UBE2E3: variants seen among roughly 807,000 people sequenced by gnomAD.
UBE2E3 encodes ubiquitin-conjugating enzyme E2 E3.
In UBE2E3, 5 loss-of-function variants were observed where a neutral mutation model predicts 23.6. The ratio of observed to expected loss-of-function variants is 0.21; its 90% confidence interval spans 0.11 to 0.44. The LOEUF is 0.44. Ranked by LOEUF, UBE2E3 falls within the 20% of genes least tolerant of loss-of-function variation. UBE2E3 has a pLI of 0.99. For synonymous variants in UBE2E3, 78 were observed against 87.5 expected, an observed-to-expected ratio of 0.89 and a Z score of 0.60; for missense variants, 81 against 249.8, an observed-to-expected ratio of 0.32 and a Z score of 4.55.
intron 3 of UBE2E3, among the ~76,000 whole-genome samples, chr2:181,021,574 C>CCTTCCTT (rs1685686416): frequency 8.3e-5 from 3 of 36,320 alleles, no homozygotes; most frequent in Non-Finnish European, 9.6e-5. Flanking sequence ...CTTCCTTCCT[C>CCTTCCTT]CCTCCCTCCC....
chr2:181,022,876 T>C (rs1446761045), intron 3 of UBE2E3, among the ~76,000 whole-genome samples: 1 of 152,136 alleles, frequency 6.6e-6, no homozygotes, highest in Non-Finnish European at 1.5e-5. Context: ...GCCCCTAGTA[T>C]TGATTTTTGG....
chr2:181,033,566 C>G (rs1252519279), intron 3 of UBE2E3, among the ~76,000 whole-genome samples: 1 of 152,136 alleles, frequency 6.6e-6, no homozygotes, highest in Non-Finnish European at 1.5e-5. Context: ...AGACCTAAAA[C>G]CATAAAAACC....
chr2:181,035,497 A>G (rs4667036), intron 3 of UBE2E3, among the ~76,000 whole-genome samples: 58,846 of 151,900 alleles, frequency 0.39, 12,102 homozygotes, highest in East Asian at 0.57. Flanking sequence ...TATTACTCTT[A>G]GTAATATTAT....
intron 3 of UBE2E3, among the ~76,000 whole-genome samples, chr2:181,048,783 T>G (rs1159592939): frequency 6.6e-6 from 1 of 152,128 alleles, no homozygotes; most frequent in Non-Finnish European, 1.5e-5. Flanking sequence ...TTTTTGAAGT[T>G]TGGAAAGCAA....
chr2:181,043,987 C>G (rs1199312427), intron 3 of UBE2E3, among the ~76,000 whole-genome samples: 2 of 152,120 alleles, frequency 1.3e-5, no homozygotes, highest in African/African-American at 4.8e-5. Flanking sequence ...TTTACAAAAA[C>G]TTTTATTCAC....
At chr2:181,001,486 C>A (rs776468660) in intron 3 of UBE2E3, among the ~76,000 whole-genome samples, 28 of 152,000 alleles carry the variant, frequency 1.8e-4, no homozygotes, top group Non-Finnish European at 4.0e-4. Flanking sequence ...AGTGGAAATA[C>A]AACAAAAGAG....
intron 3 of UBE2E3, among the ~76,000 whole-genome samples, chr2:181,010,861 A>C (rs1183284523): frequency 2.6e-5 from 4 of 151,394 alleles, no homozygotes; most frequent in African/African-American, 9.7e-5. Flanking sequence ...GCAACATTCA[A>C]ATCTGCCTCA....
At chr2:181,037,534 TAAATA>T (rs749368338) in intron 3 of UBE2E3, among the ~76,000 whole-genome samples, 5 of 152,114 alleles carry the variant, frequency 3.3e-5, no homozygotes, top group African/African-American at 4.8e-5. Flanking sequence ...TTTAAAAAAT[TAAATA>T]AAATAACTTT....
rs775277005 is a variant in UBE2E3, at chr2:181,057,826, G to A, written c.378+1G>A. 1 of 1,610,616 alleles carries A rather than the reference G, an allele frequency of 6.2e-7. No homozygotes were observed. The highest frequency in any genetic ancestry group is 8.5e-7 in the Non-Finnish European group (1 of 1,177,974). Reference sequence around the variant, plus strand: ...AGATTATCCATTTAAGCCACCAAAGGTAAGAAGCTTGAAGTGCATTCTTTA... The same window carrying A: ...AGATTATCCATTTAAGCCACCAAAGATAAGAAGCTTGAAGTGCATTCTTTA... On this transcript the variant is annotated splice_donor_variant, in intron 4 of 5. Transcript: ENST00000410062. LOFTEE classifies it high-confidence loss of function.
At chr2:180,987,245 T>C (rs1465028371) in intron 3 of UBE2E3, 12 of 1,362,808 alleles carry the variant, frequency 8.8e-6, no homozygotes, top group Middle Eastern at 1.8e-4. Flanking sequence ...AATTGTGTTA[T>C]GGGCATTTCC....
chr2:181,045,193 T>A (rs889837140), intron 3 of UBE2E3, among the ~76,000 whole-genome samples: 3 of 152,302 alleles, frequency 2.0e-5, no homozygotes, highest in East Asian at 1.9e-4. Flanking sequence ...AGTAAGAAGG[T>A]TGTAGAGACG....
intron 3 of UBE2E3, among the ~76,000 whole-genome samples, chr2:181,009,597 G>A (rs1233111391): frequency 6.8e-6 from 1 of 146,256 alleles, no homozygotes; most frequent in Non-Finnish European, 1.5e-5. Context: ...TTTTTGTTCA[G>A]ATAACCAAAT....
intron 5 of UBE2E3, 137 bp from the exon 6 acceptor site, chr2:181,062,654 C>G (rs1022290372): frequency 4.9e-6 from 2 of 405,598 alleles, no homozygotes; most frequent in East Asian, 3.8e-5. Flanking sequence ...TTACTTTAAA[C>G]TTTTTCTTTT....
chr2:181,036,479 G>A (rs1036364932), intron 3 of UBE2E3, among the ~76,000 whole-genome samples: 2 of 152,200 alleles, frequency 1.3e-5, no homozygotes, highest in African/African-American at 2.4e-5. Context: ...ATCTTCTCCC[G>A]TGTCTGTGTG....
intron 3 of UBE2E3, among the ~76,000 whole-genome samples, chr2:180,993,467 A>G (rs137938587): frequency 9.2e-5 from 14 of 152,306 alleles, no homozygotes; most frequent in African/African-American, 3.4e-4. Flanking sequence ...AGACATCTCT[A>G]GTCCAAAATT....
intron 3 of UBE2E3, among the ~76,000 whole-genome samples, chr2:181,004,804 T>TAC (rs989876793): frequency 2.0e-5 from 3 of 152,224 alleles, no homozygotes; most frequent in African/African-American, 4.8e-5. Context: ...AATATATATA[T>TAC]ACGTAGTAGG....
chr2:181,013,060 C>G (rs142513631), intron 3 of UBE2E3, among the ~76,000 whole-genome samples: 10 of 152,202 alleles, frequency 6.6e-5, no homozygotes, highest in Non-Finnish European at 1.0e-4. Context: ...TTCCTGGACT[C>G]AAGTAATCCT....
At chr2:181,026,107 G>A (rs1434600221) in intron 3 of UBE2E3, among the ~76,000 whole-genome samples, 1 of 151,840 alleles carries the variant, frequency 6.6e-6, no homozygotes, top group African/African-American at 2.4e-5. Context: ...AATCAAATCT[G>A]TTGGGATAAT....
chr2:181,026,877 ATAT>A (rs948317513), intron 3 of UBE2E3, among the ~76,000 whole-genome samples: 7 of 89,982 alleles, frequency 7.8e-5, no homozygotes, highest in Non-Finnish European at 1.2e-4. Flanking sequence ...TGATCATATA[ATAT>A]TTTGTGTAAT....
Sources: gnomAD v4.1 joint callset for allele counts (sites outside exome capture counted in the v4.1 genomes callset) on GRCh38, gnomAD v4.1.1 for gene constraint, MANE v1.5 for transcripts, NCBI Gene and HGNC (gene_info 2026-07-23, HGNC 2026-07-21) for gene names.